Variants in AGPAT4 observed in about 807,000 individuals in gnomAD.
AGPAT4 encodes 1-acylglycerol-3-phosphate O-acyltransferase 4.
AGPAT4 carries 15 observed loss-of-function variants against 48.0 expected under a neutral mutation model. The ratio of observed to expected loss-of-function variants is 0.31; its 90% CI spans 0.21 to 0.48. AGPAT4 has a LOEUF of 0.48. Among genes scored for constraint, AGPAT4 ranks in the 20% least tolerant of loss-of-function variants. AGPAT4 has a pLI of 0.99. For synonymous variants in AGPAT4, 178 were observed against 198.7 expected (o/e 0.90, Z 0.88); for missense variants, 314 against 482.5 (o/e 0.65, Z 3.27).
chr6:161,268,306 G>C (rs1035731740), intron 1 of AGPAT4, among the ~76,000 whole-genome samples: 12 of 152,132 alleles, frequency 7.9e-5, no homozygotes, highest in Non-Finnish European at 1.6e-4. Flanking sequence ...GCATAAACTA[G>C]ACTGAGGCAT....
At chr6:161,163,339 T>G (rs1459393692) in intron 3 of AGPAT4, among the ~76,000 whole-genome samples, 1 of 152,028 alleles carries the variant, frequency 6.6e-6, no homozygotes, top group African/African-American at 2.4e-5. Context: ...TTCCACAGAC[T>G]CCAGAAGGAT....
Position 161,171,087 on chromosome 6 carries a change from G to T in AGPAT4, c.179-4670C>A, listed in dbSNP as rs1780256062. On this transcript the variant is annotated intron_variant, in intron 2 of 8. Coordinates refer to ENST00000320285, the MANE Select transcript of AGPAT4 (RefSeq NM_020133.3). The surrounding 1 kb of genome is among the most constrained non-coding windows in gnomAD (Gnocchi z 4.4). ...CCATCCCGACCAGAAGCTATCAGCAGGTGCTGCACAACAGAGATGCTTGTG... is the reference window on the plus strand; with the variant it reads ...CCATCCCGACCAGAAGCTATCAGCATGTGCTGCACAACAGAGATGCTTGTG... Among the ~76,000 whole-genome samples the T allele has an allele frequency of 6.6e-6, 1 of 152,216 alleles. No individual in the cohort carries two copies. Among genetic ancestry groups the T allele is most frequent in the Non-Finnish European group, 1.5e-5 (1 of 68,040 alleles).
At position 161,245,134 on chromosome 6, in the gene AGPAT4, A is replaced by G. The variant is rs1472860159; in HGVS notation, c.-89-12832T>C. ...GAATCGAGAAATTGCGACTCTATTCATGGTGGAATAAATAAATGCAGCAGG... is the reference window on the plus strand; with the variant it reads ...GAATCGAGAAATTGCGACTCTATTCGTGGTGGAATAAATAAATGCAGCAGG... On this transcript the variant is annotated intron_variant, in intron 1 of 8. Transcript: ENST00000320285. This position sits in a 1 kb window ranked among gnomAD's most constrained non-coding sequence, Gnocchi z 5.2. Among the ~76,000 whole-genome samples the G allele has an allele frequency of 1.3e-5, 2 of 152,248 alleles. No individual in the cohort carries two copies. Among genetic ancestry groups the G allele is most frequent in the Admixed American group, 6.5e-5 (1 of 15,292 alleles).
rs1007824577 is a variant in AGPAT4, at chr6:161,138,805, C to A, written c.1042+617G>T. ...CTTCCTTGGCTCCAGGAAGCACGGA[C>A]CTGCTGTTCACAGGGCAGGAAGCAG... On this transcript the variant is annotated intron_variant, in intron 8 of 8. Coordinates refer to ENST00000320285, the MANE Select transcript of AGPAT4 (RefSeq NM_020133.3). This position sits in a 1 kb window ranked among gnomAD's most constrained non-coding sequence, Gnocchi z 4.8. 2.0e-5 allele frequency among the ~76,000 whole-genome samples: 3 copies of A among 152,156 alleles called. No individual in the cohort carries two copies. The highest frequency in any genetic ancestry group is 1.3e-4 in the Admixed American group (2 of 15,278).
rs1460496262 is a variant in AGPAT4, at chr6:161,130,326, C to T, written c.*6214G>A. 6.5e-6 allele frequency: 1 copy of T among 153,042 alleles called. No individual in the cohort carries two copies. Among genetic ancestry groups the T allele is most frequent in the African/African-American group, 2.4e-5 (1 of 41,398 alleles). 9.5% of individuals were successfully genotyped at this position (153,042 alleles called of 1,614,324 possible). A position where few individuals can be genotyped will look rare whatever the true frequency, so the allele number is the denominator to read the frequency against. On this transcript the variant is annotated 3_prime_UTR_variant, in exon 9 of 9. Transcript: ENST00000320285. ...GGTCAGTCTGATGTCATTCTTAGGG[C>T]ATCTTTGCTCTCTCCTGGCCATTAC...
intron 2 of AGPAT4, among the ~76,000 whole-genome samples, chr6:161,172,774 C>T (rs1370235949): frequency 6.6e-6 from 1 of 152,084 alleles, no homozygotes; most frequent in Admixed American, 6.5e-5. Context: ...GGTATATCTC[C>T]TAATGCTATC....
In AGPAT4 at chr6:161,196,321, G is replaced by A. The variant is rs1467335289; in HGVS notation, c.179-29904C>T. Among the ~76,000 whole-genome samples the A allele has an allele frequency of 6.6e-6, 1 of 151,608 alleles. No individual in the cohort carries two copies. The highest frequency in any genetic ancestry group is 1.9e-4 in the East Asian group (1 of 5,164). On this transcript the variant is annotated intron_variant, in intron 2 of 8. Coordinates refer to ENST00000320285, the MANE Select transcript of AGPAT4 (RefSeq NM_020133.3). This position sits in a 1 kb window ranked among gnomAD's most constrained non-coding sequence, Gnocchi z 4.3. ...GGAAACTATGAAAGTGTTTGAAAAGGAAAAAAAAGAGGCAGTCAGGGCAAA... is the reference window on the plus strand; with the variant it reads ...GGAAACTATGAAAGTGTTTGAAAAGAAAAAAAAAGAGGCAGTCAGGGCAAA...
At chr6:161,252,155 G>A (rs572240046) in intron 1 of AGPAT4, among the ~76,000 whole-genome samples, 2 of 152,190 alleles carry the variant, frequency 1.3e-5, no homozygotes, top group African/African-American at 4.8e-5. Context: ...GAGGCCCCGA[G>A]ACCACCTTCC....
rs1783112380 is a variant in AGPAT4 at position 161,261,830 on chromosome 6, G to A, written c.-90+12108C>T. 6.6e-6 allele frequency among the ~76,000 whole-genome samples: 1 copy of A among 152,158 alleles called. No homozygotes were observed. Among genetic ancestry groups the A allele is most frequent in the East Asian group, 1.9e-4 (1 of 5,186 alleles). The stretch of plus-strand genomic sequence containing the variant: ...ATTTTCCTAGCACAGAGCTGTGAAT[G>A]CTGCATATCCAAAGAGGCTGGAGAG... On this transcript the variant is annotated intron_variant, in intron 1 of 8. Transcript: ENST00000320285. The surrounding 1 kb of genome is among the most constrained non-coding windows in gnomAD (Gnocchi z 5.3).
At chr6:161,265,070 GGTT>G (rs1483744549) in intron 1 of AGPAT4, among the ~76,000 whole-genome samples, 2 of 152,158 alleles carry the variant, frequency 1.3e-5, no homozygotes, top group African/African-American at 4.8e-5. Flanking sequence ...AGTGAGACCT[GGTT>G]GGTGGACTAG....
At chr6:161,190,264 A>G (rs1184335722) in intron 2 of AGPAT4, among the ~76,000 whole-genome samples, 1 of 152,218 alleles carries the variant, frequency 6.6e-6, no homozygotes, top group Non-Finnish European at 1.5e-5. Context: ...CATCAATTGT[A>G]ACAAATGTAC....
In AGPAT4 at chr6:161,218,377, G is replaced by A. The variant is rs933072947; in HGVS notation, c.178+13659C>T. ...GGGAAGAGATTACCAAATTACCAGA[G>A]CTCCCTTTTAAAACATGCACGACTC... On this transcript the variant is annotated intron_variant, in intron 2 of 8. Transcript: ENST00000320285. The surrounding 1 kb of genome is among the most constrained non-coding windows in gnomAD (Gnocchi z 4.7). Among the ~76,000 whole-genome samples, 1 of 152,206 alleles carries A rather than the reference G, an allele frequency of 6.6e-6. No individual in the cohort carries two copies. Among genetic ancestry groups the A allele is most frequent in the African/African-American group, 2.4e-5 (1 of 41,446 alleles).
chr6:161,199,772 G>A (rs568224915), intron 2 of AGPAT4, among the ~76,000 whole-genome samples: 1 of 152,298 alleles, frequency 6.6e-6, no homozygotes, highest in Non-Finnish European at 1.5e-5. Flanking sequence ...AGATGTGTCT[G>A]CTTCCCCTAC....
Position 161,164,453 on chromosome 6 carries a change from T to C in AGPAT4, c.348+1795A>G, listed in dbSNP as rs573797624. On this transcript the variant is annotated intron_variant, in intron 3 of 8. Coordinates refer to ENST00000320285, the MANE Select transcript of AGPAT4 (RefSeq NM_020133.3). This position sits in a 1 kb window ranked among gnomAD's most constrained non-coding sequence, Gnocchi z 7.4. ...TGCACATCACGAGCCAGGAAGGTAT[T>C]AGAAGCCTGGTCCTTACTGCAGCTG... 6.6e-6 allele frequency among the ~76,000 whole-genome samples: 1 copy of C among 152,346 alleles called. No homozygotes were observed. The highest frequency in any genetic ancestry group is 6.5e-5 in the Admixed American group (1 of 15,306).
intron 2 of AGPAT4, among the ~76,000 whole-genome samples, chr6:161,170,532 C>T (rs1014734600): frequency 1.3e-5 from 2 of 151,722 alleles, no homozygotes; most frequent in Non-Finnish European, 2.9e-5. Context: ...AAAAGCTTTG[C>T]CTTTAGTTGA....
intron 2 of AGPAT4, among the ~76,000 whole-genome samples, chr6:161,168,233 G>C (rs1780165199): frequency 6.6e-6 from 1 of 152,138 alleles, no homozygotes; most frequent in Non-Finnish European, 1.5e-5. Flanking sequence ...GTAGTGCTGG[G>C]CTGAGTTTTT....
intron 2 of AGPAT4, among the ~76,000 whole-genome samples, chr6:161,224,169 GTTGC>G (rs1339246922): frequency 6.6e-6 from 1 of 152,120 alleles, no homozygotes; most frequent in Non-Finnish European, 1.5e-5. Context: ...GTCTTTTGTT[GTTGC>G]TTGTTTGTTT....
In AGPAT4 at chr6:161,262,467, T is replaced by G. The variant is rs112710272; in HGVS notation, c.-90+11471A>C. Among the ~76,000 whole-genome samples, 839 of 151,758 alleles carry G rather than the reference T, an allele frequency of 5.5e-3. 6 individuals are homozygous for G. Among genetic ancestry groups the G allele is most frequent in the African/African-American group, 0.02 (815 of 41,398 alleles). On this transcript the variant is annotated intron_variant, in intron 1 of 8. Coordinates refer to ENST00000320285, the MANE Select transcript of AGPAT4 (RefSeq NM_020133.3). This position sits in a 1 kb window ranked among gnomAD's most constrained non-coding sequence, Gnocchi z 4.9. Reference sequence around the variant, plus strand: ...CTTCCACAGCTGGCTCTATACTAGCTCATTCCTTTTTTTTTTCCCCCTCCT... The same window carrying G: ...CTTCCACAGCTGGCTCTATACTAGCGCATTCCTTTTTTTTTTCCCCCTCCT...
intron 1 of AGPAT4, among the ~76,000 whole-genome samples, chr6:161,237,396 G>T (rs1181840687): frequency 6.6e-6 from 1 of 152,160 alleles, no homozygotes; most frequent in Non-Finnish European, 1.5e-5. Flanking sequence ...CATTAGCAAG[G>T]TTTCTTACTG....
Sources: allele counts gnomAD v4.1 joint callset (sites outside exome capture counted in the v4.1 genomes callset), GRCh38; gene constraint gnomAD v4.1.1; non-coding constraint Gnocchi (gnomAD v3.1); transcripts MANE v1.5; gene names NCBI Gene and HGNC (gene_info 2026-07-23, HGNC 2026-07-21).